DEPDC5: variants seen among roughly 807,000 people sequenced by gnomAD.
DEPDC5 encodes the protein DEP domain containing 5, GATOR1 subcomplex subunit.
A neutral mutation model predicts 217.3 loss-of-function variants in DEPDC5; 73 were observed. The observed-to-expected ratio is 0.34, with a 90% CI of 0.28 to 0.41. DEPDC5 has a LOEUF of 0.41. Ranked by LOEUF, DEPDC5 falls within the 10% of genes least tolerant of loss-of-function variation. The pLI is 1.00. For missense variants in DEPDC5, 1,675 were observed against 2,070.1 expected (o/e 0.81, Z 3.70); for synonymous variants, 733 against 756.7 (o/e 0.97, Z 0.51).
intron 31 of DEPDC5, chr22:31,853,215 C>T (rs975521521): frequency 1.3e-5 from 2 of 152,076 alleles, no homozygotes; most frequent in African/African-American, 2.4e-5. Flanking sequence ...GTGAAGGGAT[C>T]TTATTTTGTC....
intron 38 of DEPDC5, chr22:31,890,546 T>C (rs2093418705): frequency 6.6e-6 from 1 of 151,438 alleles, no homozygotes; most frequent in Non-Finnish European, 1.5e-5. Context: ...CCCAACTCTA[T>C]TAAAATACAA....
At chr22:31,880,880 C>T (rs2093154504) in intron 38 of DEPDC5, among the ~76,000 whole-genome samples, 1 of 151,960 alleles carries the variant, frequency 6.6e-6, no homozygotes, top group Non-Finnish European at 1.5e-5. Flanking sequence ...AAAAATTAGC[C>T]AGGCGTGACA....
intron 6 of DEPDC5, among the ~76,000 whole-genome samples, chr22:31,767,307 A>AT (rs1569511944): frequency 6.6e-6 from 1 of 150,816 alleles, no homozygotes; most frequent in African/African-American, 2.4e-5. Context: ...TGCCCGGCTA[A>AT]TTTTTTTTTG....
intron 23 of DEPDC5, 140 bp from the exon 24 acceptor site, chr22:31,822,553 C>T (rs1704288444): frequency 2.7e-6 from 2 of 729,326 alleles, no homozygotes; most frequent in Admixed American, 2.3e-5. Context: ...GATAAGGATT[C>T]CAGTGGCTGC....
chr22:31,865,152 T>G (rs527636133), intron 33 of DEPDC5, among the ~76,000 whole-genome samples: 2 of 152,268 alleles, frequency 1.3e-5, no homozygotes, highest in East Asian at 3.9e-4. Context: ...ATTGTATGTC[T>G]GTTTATTAGT....
intron 27 of DEPDC5, 115 bp downstream of exon 27, chr22:31,838,960 G>T: frequency 8.6e-7 from 1 of 1,158,206 alleles, no homozygotes; most frequent in Non-Finnish European, 1.2e-6. Flanking sequence ...CGACATAGAA[G>T]TTTTCTTTAT....
intron 39 of DEPDC5, among the ~76,000 whole-genome samples, chr22:31,896,512 C>T (rs1283464195): frequency 1.3e-5 from 2 of 149,408 alleles, no homozygotes; most frequent in African/African-American, 2.5e-5. Context: ...GCCAGAACCA[C>T]ATCGATCAAC....
At chr22:31,810,684 T>C in intron 20 of DEPDC5, 43 bp downstream of exon 20, 1 of 1,610,668 alleles carries the variant, frequency 6.2e-7, no homozygotes, top group Non-Finnish European at 8.5e-7. Context: ...AAAAATTGTG[T>C]AGGAAAACCT....
rs763298411 is a variant in DEPDC5 at position 31,893,730 on chromosome 22, C to A, written c.4182C>A (p.Thr1394=). 5 of 1,608,030 alleles carry A rather than the reference C, an allele frequency of 3.1e-6. No homozygotes were observed. Among genetic ancestry groups the A allele is most frequent in the Non-Finnish European group, 3.4e-6 (4 of 1,177,850 alleles). The change falls in exon 39 of 43, where the codon ACC becomes ACA. Residue 1394 remains threonine (T), a synonymous_variant. Transcript: ENST00000651528. ...FEIKLHWMAV[T]AAVLFEMVQG... ...TCAAGCTGCACTGGATGGCGGTGACCGCAGCAGTACTCTTCGAGATGGTGA... is the reference window on the plus strand; with the variant it reads ...TCAAGCTGCACTGGATGGCGGTGACAGCAGCAGTACTCTTCGAGATGGTGA...
intron 24 of DEPDC5, among the ~76,000 whole-genome samples, chr22:31,828,521 C>A (rs548940063): frequency 6.7e-6 from 1 of 149,892 alleles, no homozygotes; most frequent in African/African-American, 2.5e-5. Flanking sequence ...TAAAAATCTT[C>A]TGAAGTTAGC....
Position 31,879,989 on chromosome 22 carries a change from G to A in DEPDC5, c.4033+237G>A, listed in dbSNP as rs551067668. On this transcript the variant is annotated intron_variant, in intron 38 of 42. Coordinates refer to ENST00000651528, the MANE Select transcript of DEPDC5 (RefSeq NM_001242896.3). Reference sequence around the variant, plus strand: ...AGCACCTCTCAAATCAGAACATAGTGCCAGACCTGTTCGGATAGGAGAGAA... The same window carrying A: ...AGCACCTCTCAAATCAGAACATAGTACCAGACCTGTTCGGATAGGAGAGAA... 1.7e-5 allele frequency: 9 copies of A among 528,164 alleles called. No homozygotes were observed. The Admixed American group carries it at 2.8e-4, about 17-fold the overall frequency. 32.7% of individuals were successfully genotyped at this position (528,164 alleles called of 1,614,324 possible). A position where few individuals can be genotyped will look rare whatever the true frequency, so the allele number is the denominator to read the frequency against.
At chr22:31,821,377 T>C in intron 22 of DEPDC5, 125 bp from the exon 23 acceptor site, 1 of 1,361,510 alleles carries the variant, frequency 7.3e-7, no homozygotes, top group African/African-American at 1.4e-5. Flanking sequence ...CCCTCTGTGG[T>C]GTGTTCTTCT....
At chr22:31,838,106 G>A (rs557173103) in intron 26 of DEPDC5, among the ~76,000 whole-genome samples, 1 of 152,092 alleles carries the variant, frequency 6.6e-6, no homozygotes, top group Admixed American at 6.5e-5. Context: ...GTTGGTTCTG[G>A]CTTTGATGTT....
intron 22 of DEPDC5, 47 bp from the exon 23 acceptor site, chr22:31,821,455 C>T (rs780932752): frequency 1.9e-6 from 3 of 1,609,136 alleles, no homozygotes; most frequent in South Asian, 2.2e-5. Context: ...GTGCACAGCA[C>T]TAGCTATCAG....
intron 20 of DEPDC5, among the ~76,000 whole-genome samples, chr22:31,812,200 G>A (rs960469790): frequency 2.0e-5 from 3 of 151,826 alleles, no homozygotes; most frequent in African/African-American, 7.3e-5. Context: ...GTGTTGGCCA[G>A]GCTGGTCTCA....
chr22:31,769,931 A>AT (rs2083183772), intron 7 of DEPDC5, among the ~76,000 whole-genome samples: 1 of 151,564 alleles, frequency 6.6e-6, no homozygotes. Flanking sequence ...TCAAAAAAAA[A>AT]ATTCAGAAAG....
At chr22:31,775,645 T>C (rs1444596652) in intron 7 of DEPDC5, among the ~76,000 whole-genome samples, 1 of 152,218 alleles carries the variant, frequency 6.6e-6, no homozygotes, top group East Asian at 1.9e-4. Context: ...TTTGTGTTAA[T>C]ACCTGCTGTA....
At chr22:31,873,035 G>T (rs780662781) in intron 34 of DEPDC5, 46 of 810,412 alleles carry the variant, frequency 5.7e-5, no homozygotes, top group Non-Finnish European at 7.4e-5. Context: ...GATTACAGAC[G>T]TAAGCCACCA....
At position 31,797,702 on chromosome 22, in the gene DEPDC5, A is replaced by G. The variant is rs2148575505; in HGVS notation, c.870A>G (p.Ala290=). 1 of 1,612,618 alleles carries G rather than the reference A, an allele frequency of 6.2e-7. No homozygotes were observed. Among genetic ancestry groups the G allele is most frequent in the South Asian group, 1.1e-5 (1 of 91,062 alleles). The change falls in exon 13 of 43, where the codon GCA becomes GCG. Residue 290 remains alanine, a splice_region_variant and synonymous_variant. Transcript: ENST00000651528. ...QYPVLVRLEQ[A]EGFPQGDNST... is the part of the protein sequence containing the mutation. ...CAGTGTTGGTGCGACTGGAACAGGC[A>G]GGTACTGCATTCATGTAATAGATGG...
Sources: allele counts gnomAD v4.1 joint callset (sites outside exome capture counted in the v4.1 genomes callset), GRCh38; gene constraint gnomAD v4.1.1; transcripts MANE v1.5; gene names NCBI Gene and HGNC (gene_info 2026-07-23, HGNC 2026-07-21).